Variants in ZBTB11 observed in about 807,000 individuals in gnomAD.
ZBTB11 encodes the protein zinc finger and BTB domain-containing protein 11.
In ZBTB11, 68 loss-of-function variants were observed where a neutral mutation model predicts 113.1. That is an observed-to-expected ratio of 0.60 (90% CI 0.49 to 0.74). The LOEUF is 0.74. Ranked by LOEUF, ZBTB11 falls within the 30% of genes least tolerant of loss-of-function variation. ZBTB11 has a pLI of 0.00. For synonymous variants in ZBTB11, 518 were observed against 452.6 expected (o/e 1.14, Z -1.83); for missense variants, 1,104 against 1,279.4 (o/e 0.86, Z 2.09).
rs535007420 is a variant in ZBTB11, at chr3:101,649,493, T to C, written c.*1673A>G. The C allele has an allele frequency of 6.6e-6, 1 of 152,354 alleles. No homozygotes were observed. The highest frequency in any genetic ancestry group is 1.9e-4 in the East Asian group (1 of 5,196). 9.4% of individuals were successfully genotyped at this position (152,354 alleles called of 1,614,324 possible). ...TTTATTTACATGTTTATGACATACATTAATGGTCATACACAATTTTTAAAC... is the reference window on the plus strand; with the variant it reads ...TTTATTTACATGTTTATGACATACACTAATGGTCATACACAATTTTTAAAC... On this transcript the variant is annotated 3_prime_UTR_variant, in exon 11 of 11. Transcript: ENST00000312938.
chr3:101,657,754 G>C (rs1936823632), intron 6 of ZBTB11, among the ~76,000 whole-genome samples: 2 of 152,078 alleles, frequency 1.3e-5, no homozygotes, highest in Admixed American at 1.3e-4. Flanking sequence ...GGAGGCCCAG[G>C]TGGGAGAACA....
At chr3:101,671,932 G>A (rs1404495116) in intron 2 of ZBTB11, 46 bp downstream of exon 2, 2 of 1,457,324 alleles carry the variant, frequency 1.4e-6, no homozygotes, top group Non-Finnish European at 1.9e-6. Flanking sequence ...GCAAATACTA[G>A]TACACTAGTT....
rs560454950 is a variant in ZBTB11, at chr3:101,659,069, T to C, written c.2046+714A>G. On this transcript the variant is annotated intron_variant, in intron 6 of 10. Coordinates refer to ENST00000312938, the MANE Select transcript of ZBTB11 (RefSeq NM_014415.4). The stretch of plus-strand genomic sequence containing the variant: ...GCCTGGGCAACATAGTTAGGCCCCA[T>C]CTCCACAAAATTTAAAAAAATTAGC... Among the ~76,000 whole-genome samples, 13 of 152,148 alleles carry C rather than the reference T, an allele frequency of 8.5e-5. No homozygotes were observed. The East Asian group carries it at 2.5e-3, about 29-fold the overall frequency.
chr3:101,670,204 C>G (rs1236633795), intron 3 of ZBTB11, among the ~76,000 whole-genome samples: 1 of 152,066 alleles, frequency 6.6e-6, no homozygotes, highest in Non-Finnish European at 1.5e-5. Flanking sequence ...GGACTAAAAA[C>G]AATAAAGCAT....
intron 5 of ZBTB11, among the ~76,000 whole-genome samples, chr3:101,664,326 T>C (rs772163904): frequency 2.0e-5 from 3 of 152,242 alleles, no homozygotes; most frequent in Non-Finnish European, 4.4e-5. Context: ...CTTTTTACTA[T>C]TGTCTTACTA....
rs138304760 is a variant in ZBTB11 at position 101,657,537 on chromosome 3, G to C, written c.2047-1289C>G. ...AAAAAAAACAAAAACCTGGCAGGGTGGGGGTGGAGGTGGGAGTAGGGTAGT... is the reference window on the plus strand; with the variant it reads ...AAAAAAAACAAAAACCTGGCAGGGTCGGGGTGGAGGTGGGAGTAGGGTAGT... On this transcript the variant is annotated intron_variant, in intron 6 of 10. Coordinates refer to ENST00000312938, the MANE Select transcript of ZBTB11 (RefSeq NM_014415.4). Among the ~76,000 whole-genome samples, 479 of 151,900 alleles carry C rather than the reference G, an allele frequency of 3.2e-3. 6 individuals are homozygous for C. Among genetic ancestry groups the C allele is most frequent in the East Asian group, 0.027 (142 of 5,180 alleles).
At chr3:101,667,029 C>T (rs1937008318) in intron 3 of ZBTB11, among the ~76,000 whole-genome samples, 2 of 152,246 alleles carry the variant, frequency 1.3e-5, no homozygotes, top group East Asian at 1.9e-4. Flanking sequence ...GGATTACAGG[C>T]GTGAGCCACC....
chr3:101,671,915 C>A, intron 2 of ZBTB11, 63 bp downstream of exon 2: 2 of 1,324,894 alleles, frequency 1.5e-6, no homozygotes, highest in South Asian at 1.2e-5. Flanking sequence ...AATAAGTCAC[C>A]AAGGCTGCAA....
At chr3:101,672,305 C>G in intron 1 of ZBTB11, 92 bp from the exon 2 acceptor site, 1 of 821,934 alleles carries the variant, frequency 1.2e-6, no homozygotes, top group African/African-American at 1.7e-5. Context: ...CATTTCAGTA[C>G]ATATGTGCAG....
At chr3:101,660,416 GAAATCTTCAATTTTTAAA>G (rs980841836) in intron 5 of ZBTB11, among the ~76,000 whole-genome samples, 39 of 152,274 alleles carry the variant, frequency 2.6e-4, no homozygotes, top group Non-Finnish European at 3.4e-4. Context: ...GAAGATTCAA[GAAATCTTCAATTTTTAAA>G]AAATCTTTGA....
At position 101,665,806 on chromosome 3, in the gene ZBTB11, A is replaced by C. The variant is rs1182253527; in HGVS notation, c.781T>G (p.Phe261Val). Residue 261 changes from phenylalanine to valine, a missense_variant and splice_region_variant, in exon 4 of 11, where the codon TTT becomes GTT. By Grantham distance (50) the Phe-to-Val change is conservative. Around this residue, in one of 5 missense-constraint regions of ZBTB11, gnomAD observed 86 missense variants for 131.0 expected, o/e 0.66. Transcript: ENST00000312938. ...SHEAVVDLSGFCKASFLPLLE... is the reference protein window; with the variant it reads ...SHEAVVDLSGVCKASFLPLLE... Reference sequence around the variant, plus strand: ...AAAGGAAGGAAGCTGGCCTTACAAAAACCTGTATGAATACAAAGAAGGTAA... The same window carrying C: ...AAAGGAAGGAAGCTGGCCTTACAAACACCTGTATGAATACAAAGAAGGTAA... 3.2e-6 allele frequency: 5 copies of C among 1,582,852 alleles called. No individual in the cohort carries two copies. The South Asian group carries it at 4.7e-5, about 15-fold the overall frequency.
At position 101,656,248 on chromosome 3, in the gene ZBTB11, C is replaced by A; in HGVS notation, c.2047G>T (p.Val683Phe). The part of the protein sequence containing the change: ...HTGVKPHACQ[V>F]CGKTFIYKHG... ...TTATAGATAAAAGTCTTTCCACAGA[C>A]CTAAGATAGAACAGGGGTGATTAAG... Residue 683 changes from valine to phenylalanine, a missense_variant and splice_region_variant, in exon 7 of 11, where the codon GTC (valine) becomes TTC (phenylalanine). This residue lies in a region of ZBTB11 where 535 missense variants were observed against 518.6 expected (regional missense o/e 1.03). Coordinates refer to ENST00000312938, the MANE Select transcript of ZBTB11 (RefSeq NM_014415.4). The A allele has an allele frequency of 6.5e-7, 1 of 1,547,350 alleles. No homozygotes were observed. The highest frequency in any genetic ancestry group is 1.2e-5 in the South Asian group (1 of 80,584).
At position 101,649,782 on chromosome 3, in the gene ZBTB11, G is replaced by A. The variant is rs1576641334; in HGVS notation, c.*1384C>T. The A allele has an allele frequency of 6.6e-6, 1 of 152,666 alleles. No individual in the cohort carries two copies. Among genetic ancestry groups the A allele is most frequent in the East Asian group, 1.9e-4 (1 of 5,192 alleles). 9.5% of individuals were successfully genotyped at this position (152,666 alleles called of 1,614,324 possible). A position where few individuals can be genotyped will look rare whatever the true frequency, so the allele number is the denominator to read the frequency against. Reference sequence around the variant, plus strand: ...TTAAAGCCATTTTTAAAGTAAACTGGGAGAGGCAACTTAGTAATATATGTA... The same window carrying A: ...TTAAAGCCATTTTTAAAGTAAACTGAGAGAGGCAACTTAGTAATATATGTA... On this transcript the variant is annotated 3_prime_UTR_variant, in exon 11 of 11. Transcript: ENST00000312938.
chr3:101,660,146 G>T, intron 5 of ZBTB11, 118 bp from the exon 6 acceptor site: 2 of 1,005,766 alleles, frequency 2.0e-6, no homozygotes, highest in Non-Finnish European at 2.9e-6. Flanking sequence ...AACACACTAT[G>T]TAAAAAACAA....
In ZBTB11 at chr3:101,671,330, G is replaced by C; in HGVS notation, c.578C>G (p.Ser193Cys). 6.2e-7 allele frequency: 1 copy of C among 1,614,138 alleles called. No individual in the cohort carries two copies. The highest frequency in any genetic ancestry group is 2.2e-5 in the East Asian group (1 of 44,874). ...VDTKGVVKRS[S>C]PKHCQAVLKQ... ...TAAGACAGCCTGACAATGTTTTGGA[G>C]AAGAACGTTTTACCACTCCTTTGGT... The change falls in exon 3 of 11, where the codon TCT (serine) becomes TGT (cysteine). Residue 193 changes from serine to cysteine, a missense_variant. Ser to Cys is a moderately radical substitution (Grantham distance 112). This residue lies in a region of ZBTB11 where 245 missense variants were observed against 272.5 expected (regional missense o/e 0.90). Coordinates refer to ENST00000312938, the MANE Select transcript of ZBTB11 (RefSeq NM_014415.4).
Position 101,651,249 on chromosome 3 carries a change from G to C in ZBTB11, c.3079C>G (p.Gln1027Glu). The C allele has an allele frequency of 6.2e-7, 1 of 1,614,054 alleles. No individual in the cohort carries two copies. The highest frequency in any genetic ancestry group is 2.2e-5 in the East Asian group (1 of 44,882). ...ACTTCAGATAGCTTCTGTCCTTGCT[G>C]TTGTGCTAATACATAATTAACCACT... The part of the protein sequence containing the change: ...MQVVNYVLAQ[Q>E]QGQKLSEVAE... Residue 1027 changes from glutamine (Q) to glutamate (E), a missense_variant, in exon 11 of 11, where the codon CAG becomes GAG. Coordinates refer to ENST00000312938, the MANE Select transcript of ZBTB11 (RefSeq NM_014415.4).
At chr3:101,655,711 A>G (rs1936783568) in intron 7 of ZBTB11, 1 of 150,364 alleles carries the variant, frequency 6.7e-6, no homozygotes, top group Admixed American at 6.6e-5. Context: ...CCCAGGCTGG[A>G]GTGCAGTGGC....
At chr3:101,660,079 A>G in intron 5 of ZBTB11, 51 bp from the exon 6 acceptor site, 1 of 1,565,196 alleles carries the variant, frequency 6.4e-7, no homozygotes, top group Non-Finnish European at 8.7e-7. Context: ...ACAAAATGTT[A>G]ACTGAAACTC....
chr3:101,666,744 A>G (rs1937002584), intron 3 of ZBTB11, among the ~76,000 whole-genome samples: 1 of 151,958 alleles, frequency 6.6e-6, no homozygotes, highest in Non-Finnish European at 1.5e-5. Context: ...ATTTTTATTT[A>G]TTTATTTATT....
Sources: gnomAD v4.1 joint callset for allele counts (sites outside exome capture counted in the v4.1 genomes callset) on GRCh38, gnomAD v4.1.1 for gene constraint, gnomAD v4.1.1 regional missense constraint, MANE v1.5 for transcripts, NCBI Gene and HGNC (gene_info 2026-07-23, HGNC 2026-07-21) for gene names.